Variants in OR2T12 observed in about 807,000 individuals in gnomAD.
The protein encoded by OR2T12 is olfactory receptor 2T12.
For synonymous variants in OR2T12, 127 were observed against 160.5 expected (o/e 0.79, Z 1.58); for missense variants, 335 against 404.3 (o/e 0.83, Z 1.47).
Position 248,294,476 on chromosome 1 carries a change from T to C in OR2T12, c.*140A>G, listed in dbSNP as rs1367311500. 9 of 1,122,816 alleles carry C rather than the reference T, an allele frequency of 8.0e-6. No individual in the cohort carries two copies. Among genetic ancestry groups the C allele is most frequent in the Admixed American group, 7.0e-5 (3 of 42,560 alleles). The allele number at this position is 1,122,816 out of a possible 1,614,324, so 69.6% of individuals were successfully genotyped here. On this transcript the variant is annotated 3_prime_UTR_variant, in exon 3 of 3. Coordinates refer to ENST00000641276, the MANE Select transcript of OR2T12 (RefSeq NM_001004692.2). ...TCAAAAATGGTATCTGTCAATACAATTGGCTCACTTCATTCTTAAAAATAT... is the reference window on the plus strand; with the variant it reads ...TCAAAAATGGTATCTGTCAATACAACTGGCTCACTTCATTCTTAAAAATAT...
At chr1:248,299,402 C>T (rs978954011) in intron 2 of OR2T12, among the ~76,000 whole-genome samples, 2 of 151,952 alleles carry the variant, frequency 1.3e-5, no homozygotes, top group African/African-American at 2.4e-5. Flanking sequence ...TCTGATAAAA[C>T]AGACTTTAAA....
At chr1:248,297,916 C>A (rs1659756602) in intron 2 of OR2T12, among the ~76,000 whole-genome samples, 1 of 150,044 alleles carries the variant, frequency 6.7e-6, no homozygotes, top group Non-Finnish European at 1.5e-5. Context: ...AGAGGGCATC[C>A]CTGTCTTGTG....
chr1:248,300,147 C>T (rs1169236649), intron 2 of OR2T12, among the ~76,000 whole-genome samples: 3 of 151,986 alleles, frequency 2.0e-5, no homozygotes, highest in Admixed American at 6.6e-5. Context: ...AATATGTGAT[C>T]GAGTTTTTCC....
chr1:248,297,313 C>T (rs199998313), intron 2 of OR2T12, among the ~76,000 whole-genome samples: 23,171 of 151,384 alleles, frequency 0.15, 2,369 homozygotes, highest in East Asian at 0.37. Flanking sequence ...GTTCTTTTCG[C>T]TTAGGATTGA....
At chr1:248,299,812 GAACAGAAATTATA>G (rs1659789533) in intron 2 of OR2T12, among the ~76,000 whole-genome samples, 1 of 152,104 alleles carries the variant, frequency 6.6e-6, no homozygotes, top group African/African-American at 2.4e-5. Flanking sequence ...AAATCTAAAA[GAACAGAAATTATA>G]ACAAACTGTC....
At chr1:248,298,812 T>G (rs1319395230) in intron 2 of OR2T12, among the ~76,000 whole-genome samples, 2 of 151,760 alleles carry the variant, frequency 1.3e-5, no homozygotes, top group Non-Finnish European at 2.9e-5. Context: ...GCTCCTGGAT[T>G]CATTAATTTT....
intron 2 of OR2T12, among the ~76,000 whole-genome samples, chr1:248,296,028 G>A (rs1185301223): frequency 5.3e-5 from 5 of 94,010 alleles, no homozygotes; most frequent in Non-Finnish European, 9.9e-5. Context: ...CAACAGTCCC[G>A]AGAGTGTGAT....
In OR2T12 at chr1:248,291,979, A is replaced by C. The variant is rs574952374; in HGVS notation, c.*2637T>G. The C allele has an allele frequency of 6.6e-6, 1 of 152,294 alleles. No individual in the cohort carries two copies. Among genetic ancestry groups the C allele is most frequent in the South Asian group, 2.1e-4 (1 of 4,826 alleles). 9.4% of individuals were successfully genotyped at this position (152,294 alleles called of 1,614,324 possible). Reference sequence around the variant, plus strand: ...AAACATAAAACCATAAAAACCCTAGAAGAAAACCTAGGCAGTACCATTCAG... The same window carrying C: ...AAACATAAAACCATAAAAACCCTAGCAGAAAACCTAGGCAGTACCATTCAG... On this transcript the variant is annotated 3_prime_UTR_variant, in exon 3 of 3. Coordinates refer to ENST00000641276, the MANE Select transcript of OR2T12 (RefSeq NM_001004692.2).
At chr1:248,301,326 G>A (rs957599045) in intron 2 of OR2T12, 47 bp downstream of exon 2, 2 of 152,072 alleles carry the variant, frequency 1.3e-5, no homozygotes, top group Non-Finnish European at 2.9e-5. Flanking sequence ...CGAGAAATTT[G>A]ACATTCCTTC....
chr1:248,302,546 A>T (rs1263895802), intron 1 of OR2T12, among the ~76,000 whole-genome samples: 2 of 152,164 alleles, frequency 1.3e-5, no homozygotes, highest in Non-Finnish European at 2.9e-5. Flanking sequence ...TGTTGTAAAT[A>T]AACATTTTTG....
intron 2 of OR2T12, among the ~76,000 whole-genome samples, chr1:248,299,743 C>T (rs978630754): frequency 5.3e-5 from 8 of 152,118 alleles, no homozygotes; most frequent in Non-Finnish European, 1.2e-4. Flanking sequence ...TTTTTTTCAG[C>T]ACCACACCAC....
intron 2 of OR2T12, among the ~76,000 whole-genome samples, chr1:248,296,484 G>C (rs1024329196): frequency 1.2e-4 from 18 of 152,258 alleles, no homozygotes; most frequent in African/African-American, 3.1e-4. Flanking sequence ...GTGTAAAAGT[G>C]TTCCTATTTC....
intron 2 of OR2T12, among the ~76,000 whole-genome samples, chr1:248,296,928 C>T (rs1031982413): frequency 2.6e-5 from 4 of 152,258 alleles, no homozygotes; most frequent in East Asian, 3.9e-4. Flanking sequence ...AGTCCTTGCC[C>T]GTGCCTATGT....
Position 248,296,821 on chromosome 1 carries a change from G to C in OR2T12, c.-8-1235C>G, listed in dbSNP as rs143512652. Reference sequence around the variant, plus strand: ...TTGTGGGTTGCCTGTCACTCTGATGGTAGTTTCTTTTGCTGTGCAGAAGCT... The same window carrying C: ...TTGTGGGTTGCCTGTCACTCTGATGCTAGTTTCTTTTGCTGTGCAGAAGCT... On this transcript the variant is annotated intron_variant, in intron 2 of 2. Transcript: ENST00000641276. Among the ~76,000 whole-genome samples, 280 of 152,160 alleles carry C rather than the reference G, an allele frequency of 1.8e-3. 6 individuals carry two copies. In the East Asian group the frequency reaches 0.045, roughly 25 times the overall value.
intron 1 of OR2T12, among the ~76,000 whole-genome samples, chr1:248,301,862 G>A (rs762417559): frequency 9.2e-5 from 14 of 152,010 alleles, no homozygotes; most frequent in East Asian, 7.7e-4. Flanking sequence ...GTGCACATGC[G>A]CAGAGCAATA....
Position 248,298,009 on chromosome 1 carries a change from T to G in OR2T12, c.-8-2423A>C, listed in dbSNP as rs565286504. ...GGTTTGTCATAGATAGCTCTTATTA[T>G]TTTGAGATATGTCCCATCAATACCT... On this transcript the variant is annotated intron_variant, in intron 2 of 2. Transcript: ENST00000641276. Among the ~76,000 whole-genome samples the G allele has an allele frequency of 3.4e-4, 52 of 151,860 alleles. No individual in the cohort carries two copies. The South Asian group carries it at 0.01, about 30-fold the overall frequency.
In OR2T12 at chr1:248,299,377, G is replaced by C. The variant is rs553339602; in HGVS notation, c.-9+1996C>G. The stretch of plus-strand genomic sequence containing the variant: ...AAATGGAAAACAAAAAAAGGCAGGG[G>C]TTGCAATCCTAGTCTCTGATAAAAC... On this transcript the variant is annotated intron_variant, in intron 2 of 2. Coordinates refer to ENST00000641276, the MANE Select transcript of OR2T12 (RefSeq NM_001004692.2). Among the ~76,000 whole-genome samples the C allele has an allele frequency of 4.5e-3, 681 of 152,018 alleles. 3 individuals carry two copies. The highest frequency in any genetic ancestry group is 6.9e-3 in the Non-Finnish European group (470 of 67,976).
chr1:248,300,904 G>A (rs1659803245), intron 2 of OR2T12, among the ~76,000 whole-genome samples: 1 of 152,062 alleles, frequency 6.6e-6, no homozygotes, highest in African/African-American at 2.4e-5. Flanking sequence ...GAGATAAAAT[G>A]GTGATTAATT....
At chr1:248,297,129 G>A (rs920002283) in intron 2 of OR2T12, among the ~76,000 whole-genome samples, 1 of 151,984 alleles carries the variant, frequency 6.6e-6, no homozygotes, top group Non-Finnish European at 1.5e-5. Flanking sequence ...CCCATTGCTT[G>A]TTTTTCTCAG....
Sources: gnomAD v4.1 joint callset for allele counts (sites outside exome capture counted in the v4.1 genomes callset) on GRCh38, gnomAD v4.1.1 for gene constraint, MANE v1.5 for transcripts, NCBI Gene and HGNC (gene_info 2026-07-23, HGNC 2026-07-21) for gene names.